Variants in VPS41 observed in about 807,000 individuals in gnomAD.
The protein encoded by VPS41 is vacuolar protein sorting-associated protein 41 homolog.
Under a neutral mutation model 130.9 loss-of-function variants are expected in VPS41, and 85 were observed. The ratio of observed to expected loss-of-function variants is 0.65; its 90% CI spans 0.55 to 0.78. The LOEUF (loss-of-function observed/expected upper bound fraction) is 0.78, where lower values mean the gene tolerates loss of function less well. Ranked by LOEUF, VPS41 falls within the 30% of genes least tolerant of loss-of-function variation. VPS41 has a pLI of 0.00. For synonymous variants in VPS41, 335 were observed against 332.9 expected, an observed-to-expected ratio of 1.01 and a Z score of -0.07; for missense variants, 874 against 1,018.7, an observed-to-expected ratio of 0.86 and a Z score of 1.93.
intron 21 of VPS41, among the ~76,000 whole-genome samples, chr7:38,753,684 C>T (rs1312731246): frequency 6.6e-6 from 1 of 152,146 alleles, no homozygotes; most frequent in East Asian, 1.9e-4. Flanking sequence ...TGTCTCCTGG[C>T]TTAAGTAAGT....
intron 8 of VPS41, 60 bp downstream of exon 8, chr7:38,796,685 C>T: frequency 6.2e-7 from 1 of 1,610,698 alleles, no homozygotes; most frequent in Non-Finnish European, 8.5e-7. Flanking sequence ...ACAGCCCTAT[C>T]AAGTTGGCCA....
chr7:38,751,844 C>T (rs1204284967), intron 22 of VPS41, among the ~76,000 whole-genome samples: 27 of 152,326 alleles, frequency 1.8e-4, no homozygotes, highest in Non-Finnish European at 1.2e-4. Flanking sequence ...GCTCTTGACT[C>T]TGAGGTGTCA....
chr7:38,754,749 T>C lies in VPS41; in HGVS notation c.1741A>G (p.Lys581Glu), dbSNP rs1304910958. The C allele has an allele frequency of 1.2e-6, 2 of 1,612,964 alleles. No individual in the cohort carries two copies. Among genetic ancestry groups the C allele is most frequent in the Non-Finnish European group, 1.7e-6 (2 of 1,179,436 alleles). Residue 581 changes from lysine to glutamate, a missense_variant, in exon 21 of 29, where the codon AAA becomes GAA. Coordinates refer to ENST00000310301, the MANE Select transcript of VPS41 (RefSeq NM_014396.4). Reference sequence around the variant, plus strand: ...TCTTCCAATTCTTCCACTACCTTTTTAATCTAGATAAAAAAGAAAAGTTTC... The same window carrying C: ...TCTTCCAATTCTTCCACTACCTTTTCAATCTAGATAAAAAAGAAAAGTTTC... ...LLDNEDKISI[K>E]KVVEELEDRP...
chr7:38,769,436 A>C (rs1219106414), intron 14 of VPS41, among the ~76,000 whole-genome samples: 6 of 152,208 alleles, frequency 3.9e-5, no homozygotes, highest in Non-Finnish European at 8.8e-5. Context: ...ATAGGACCCT[A>C]ATGTGTCCTG....
intron 4 of VPS41, among the ~76,000 whole-genome samples, chr7:38,860,382 T>C (rs1490333097): frequency 1.3e-5 from 2 of 152,150 alleles, no homozygotes; most frequent in Non-Finnish European, 2.9e-5. Context: ...CATATGTAGA[T>C]CATGAGAAAA....
At chr7:38,785,460 C>T (rs1009770679) in intron 10 of VPS41, among the ~76,000 whole-genome samples, 11 of 152,236 alleles carry the variant, frequency 7.2e-5, no homozygotes, top group South Asian at 2.1e-4. Context: ...AATTTAATTC[C>T]GTATTTTATA....
chr7:38,732,207 T>A (rs903937409), intron 25 of VPS41, among the ~76,000 whole-genome samples: 2 of 152,172 alleles, frequency 1.3e-5, no homozygotes, highest in African/African-American at 4.8e-5. Context: ...TGTTAATGCA[T>A]GCTGAGGTTA....
chr7:38,828,202 A>T (rs556339856), intron 5 of VPS41, among the ~76,000 whole-genome samples: 1 of 152,118 alleles, frequency 6.6e-6, no homozygotes. Flanking sequence ...ACTTATCCTA[A>T]AAGTTTTCTA....
chr7:38,771,294 A>G (rs80156283), intron 13 of VPS41, 40 bp from the exon 14 acceptor site: 3 of 1,423,650 alleles, frequency 2.1e-6, no homozygotes, highest in South Asian at 1.2e-5. Flanking sequence ...AAAAAAAAAA[A>G]GCAGAAAAGG....
chr7:38,906,895 T>C (rs1301613010), intron 1 of VPS41, among the ~76,000 whole-genome samples: 1 of 152,186 alleles, frequency 6.6e-6, no homozygotes, highest in Non-Finnish European at 1.5e-5. Context: ...ATATTATAGA[T>C]ATAAGCCTGA....
At position 38,726,841 on chromosome 7, in the gene VPS41, G is replaced by A. The variant is rs1584357062; in HGVS notation, c.2484+68C>T. 9 of 1,385,024 alleles carry A rather than the reference G, an allele frequency of 6.5e-6. 1 individual carries two copies. The South Asian group carries it at 1.4e-4, about 21-fold the overall frequency. The allele number at this position is 1,385,024 out of a possible 1,614,324, so 85.8% of individuals were successfully genotyped here. A position where few individuals can be genotyped will look rare whatever the true frequency, so the allele number is the denominator to read the frequency against. ...ACAGCCATAAGGATGAAGGGTTACA[G>A]TTTAAAGCACATTCCTCTAAGTGTG... On this transcript the variant is annotated intron_variant, in intron 28 of 28. Transcript: ENST00000310301.
At chr7:38,885,617 A>T (rs1786708589) in intron 2 of VPS41, among the ~76,000 whole-genome samples, 1 of 152,224 alleles carries the variant, frequency 6.6e-6, no homozygotes. Flanking sequence ...GTCCATATTA[A>T]ATGAGATAAT....
chr7:38,819,332 C>G (rs1195394272), intron 6 of VPS41, among the ~76,000 whole-genome samples: 1 of 152,224 alleles, frequency 6.6e-6, no homozygotes, highest in Non-Finnish European at 1.5e-5. Context: ...TAGTGCTGCT[C>G]CAAGAAGCAT....
chr7:38,727,040 A>C, intron 27 of VPS41, 52 bp from the exon 28 acceptor site: 33 of 1,427,058 alleles, frequency 2.3e-5, no homozygotes, highest in Non-Finnish European at 3.0e-5. Context: ...AAGCAAGATC[A>C]TTTTAAACCA....
At chr7:38,831,112 T>C in intron 4 of VPS41, 4 of 436,578 alleles carry the variant, frequency 9.2e-6, no homozygotes, top group Middle Eastern at 5.4e-4. Context: ...CTTCCTCAAA[T>C]TGAATATCTT....
At chr7:38,730,982 C>T (rs1188760011) in intron 25 of VPS41, among the ~76,000 whole-genome samples, 1 of 152,214 alleles carries the variant, frequency 6.6e-6, no homozygotes, top group African/African-American at 2.4e-5. Context: ...CAGGTACAAT[C>T]TGTCCGCCTG....
At chr7:38,902,906 C>T (rs146098606) in intron 1 of VPS41, among the ~76,000 whole-genome samples, 6 of 152,324 alleles carry the variant, frequency 3.9e-5, no homozygotes, top group African/African-American at 1.4e-4. Flanking sequence ...CCTTGTCCTA[C>T]AAGTTCTCAT....
At chr7:38,852,455 T>C (rs970522728) in intron 4 of VPS41, among the ~76,000 whole-genome samples, 3 of 152,200 alleles carry the variant, frequency 2.0e-5, no homozygotes, top group Non-Finnish European at 2.9e-5. Context: ...CTAAATCTCC[T>C]TGGTTGTGGT....
chr7:38,904,856 G>T lies in VPS41; in HGVS notation c.21+4298C>A, dbSNP rs375753162. On this transcript the variant is annotated intron_variant, in intron 1 of 28. Transcript: ENST00000310301. ...ATTCAAAGTAGAAACTCTCCTACTT[G>T]ATTAAGAAATAGATGGTCTAATCGT... Among the ~76,000 whole-genome samples the T allele has an allele frequency of 2.0e-5, 3 of 152,260 alleles. No homozygotes were observed. In the East Asian group the frequency reaches 5.8e-4, roughly 29 times the overall value.
Sources: allele counts gnomAD v4.1 joint callset (sites outside exome capture counted in the v4.1 genomes callset), GRCh38; gene constraint gnomAD v4.1.1; transcripts MANE v1.5; gene names NCBI Gene and HGNC (gene_info 2026-07-23, HGNC 2026-07-21).